The following RBFOX1 variants were observed in gnomAD, a reference collection of about 807,000 sequenced individuals.
RBFOX1 encodes the protein RNA binding fox-1 homolog 1, also known as RNA binding protein fox-1 homolog 1.
RBFOX1 carries 8 observed loss-of-function variants against 57.7 expected under a neutral mutation model. That is an observed-to-expected ratio of 0.14 (90% CI 0.08 to 0.25). The LOEUF (loss-of-function observed/expected upper bound fraction) is 0.25, where lower values mean the gene tolerates loss of function less well. Ranked by LOEUF, RBFOX1 falls within the 10% of genes least tolerant of loss-of-function variation. The probability of loss-of-function intolerance (pLI) is 1.00; values close to 1 mark genes in which losing one functional copy is unlikely to be tolerated. For missense variants in RBFOX1, 611 were observed against 548.5 expected (o/e 1.11, Z -1.14); for synonymous variants, 326 against 222.4 (o/e 1.47, Z -4.15).
At chr16:6,953,575 T>C (rs935907170) in intron 3 of RBFOX1, among the ~76,000 whole-genome samples, 1 of 152,070 alleles carries the variant, frequency 6.6e-6, no homozygotes, top group Admixed American at 6.6e-5. Context: ...TTAGTAGAGA[T>C]GGGGTTTTGC....
chr16:7,368,178 G>T (rs1250522894), intron 4 of RBFOX1, among the ~76,000 whole-genome samples: 1 of 150,434 alleles, frequency 6.6e-6, no homozygotes, highest in Non-Finnish European at 1.5e-5. Context: ...GAGGCAGGAG[G>T]ATCGCTTGAA....
chr16:5,487,496 T>C (rs1597264507), intron 2 of RBFOX1, among the ~76,000 whole-genome samples: 2 of 152,310 alleles, frequency 1.3e-5, no homozygotes, highest in East Asian at 3.9e-4. Context: ...TTGGGTTCTT[T>C]TCTCTGTTGC....
intron 4 of RBFOX1, among the ~76,000 whole-genome samples, chr16:7,205,251 C>T (rs935325081): frequency 6.6e-6 from 1 of 152,090 alleles, no homozygotes; most frequent in Non-Finnish European, 1.5e-5. Flanking sequence ...GGCGTGGCGG[C>T]TCACACCTGT....
chr16:7,631,378 C>T (rs1378481311), intron 11 of RBFOX1, among the ~76,000 whole-genome samples: 3 of 152,206 alleles, frequency 2.0e-5, no homozygotes, highest in African/African-American at 4.8e-5. Flanking sequence ...CCGAAGATTT[C>T]TCTGCCTCGG....
chr16:7,604,825 T>C (rs950634303), intron 9 of RBFOX1, among the ~76,000 whole-genome samples: 2 of 152,174 alleles, frequency 1.3e-5, no homozygotes, highest in South Asian at 2.1e-4. Flanking sequence ...GGAAGTCTTA[T>C]ATGCAAAAGA....
intron 2 of RBFOX1, among the ~76,000 whole-genome samples, chr16:6,492,726 T>C (rs2095661724): frequency 1.3e-5 from 2 of 152,186 alleles, no homozygotes; most frequent in African/African-American, 4.8e-5. Flanking sequence ...GCGGAGGAAA[T>C]ACCTAAGTAG....
At chr16:7,116,162 C>T (rs563538876) in intron 4 of RBFOX1, among the ~76,000 whole-genome samples, 3 of 152,276 alleles carry the variant, frequency 2.0e-5, no homozygotes, top group East Asian at 1.9e-4. Flanking sequence ...GTGTCATGCA[C>T]TGCATTTTTC....
intron 3 of RBFOX1, among the ~76,000 whole-genome samples, chr16:5,625,534 TG>T (rs1184114937): frequency 4.7e-4 from 38 of 81,442 alleles, no homozygotes; most frequent in African/African-American, 1.3e-3. Flanking sequence ...TAATATTTTT[TG>T]TTATTTATTT....
chr16:7,661,069 G>C (rs1471105274), intron 12 of RBFOX1, among the ~76,000 whole-genome samples: 1 of 152,188 alleles, frequency 6.6e-6, no homozygotes, highest in East Asian at 1.9e-4. Flanking sequence ...GCAAATGTGA[G>C]TAGTGGGAGT....
At chr16:7,184,055 G>T (rs569205816) in intron 4 of RBFOX1, among the ~76,000 whole-genome samples, 4 of 152,312 alleles carry the variant, frequency 2.6e-5, no homozygotes, top group Non-Finnish European at 5.9e-5. Flanking sequence ...CCAGGAAAGT[G>T]GTGGTGGAGA....
At chr16:6,577,495 G>T (rs755158134) in intron 2 of RBFOX1, 2 of 152,130 alleles carry the variant, frequency 1.3e-5, no homozygotes, top group Non-Finnish European at 2.9e-5. Context: ...GTTGTGCTGT[G>T]GTGACAAATA....
chr16:6,733,429 A>G (rs887637761), intron 3 of RBFOX1, among the ~76,000 whole-genome samples: 2 of 152,230 alleles, frequency 1.3e-5, no homozygotes, highest in Non-Finnish European at 2.9e-5. Flanking sequence ...TCAGTCCTAC[A>G]GCCTTCCTGA....
intron 4 of RBFOX1, among the ~76,000 whole-genome samples, chr16:7,246,633 CTTTTTT>C (rs56654382): frequency 9.5e-6 from 1 of 105,498 alleles, no homozygotes; most frequent in Admixed American, 9.9e-5. Flanking sequence ...TGGTCACCTC[CTTTTTT>C]TTTTTTTTTT....
chr16:6,471,059 C>A (rs1233896078), intron 2 of RBFOX1, among the ~76,000 whole-genome samples: 1 of 152,134 alleles, frequency 6.6e-6, no homozygotes, highest in African/African-American at 2.4e-5. Flanking sequence ...GGAATTAAAT[C>A]TAAATTTCTT....
intron 2 of RBFOX1, among the ~76,000 whole-genome samples, chr16:6,562,856 CTTTCTTTCTTTCTTTCTTTCTTTCTTTT>C (rs1469775404): frequency 1.2e-4 from 6 of 50,316 alleles, no homozygotes; most frequent in Admixed American, 4.2e-4. Flanking sequence ...TTCTTTCTTT[CTTTCTTTCTTTCTTTCTTTCTTTCTTTT>C]TTTTTTTTTT....
At chr16:7,379,828 T>G (rs1298562337) in intron 4 of RBFOX1, among the ~76,000 whole-genome samples, 2 of 151,786 alleles carry the variant, frequency 1.3e-5, no homozygotes, top group East Asian at 1.9e-4. Flanking sequence ...CTCCCTCCTC[T>G]TCCTTCCCTT....
chr16:6,846,690 A>G (rs1461274013), intron 3 of RBFOX1, among the ~76,000 whole-genome samples: 1 of 152,188 alleles, frequency 6.6e-6, no homozygotes, highest in Admixed American at 6.5e-5. Context: ...ATGAATGGTA[A>G]CGTTCGCCAG....
intron 1 of RBFOX1, among the ~76,000 whole-genome samples, chr16:6,300,528 A>T (rs1385217263): frequency 1.3e-5 from 2 of 152,214 alleles, no homozygotes; most frequent in Non-Finnish European, 2.9e-5. Context: ...CACCTGTGGT[A>T]CATATAAAGT....
chr16:5,820,198 C>A (rs1156669605), intron 3 of RBFOX1, among the ~76,000 whole-genome samples: 1 of 152,194 alleles, frequency 6.6e-6, no homozygotes, highest in Non-Finnish European at 1.5e-5. Context: ...AAAACACTTG[C>A]CCCTGGTCCA....
Sources: gnomAD v4.1 joint callset for allele counts (sites outside exome capture counted in the v4.1 genomes callset) on GRCh38, gnomAD v4.1.1 for gene constraint, MANE v1.5 for transcripts, NCBI Gene and HGNC (gene_info 2026-07-23, HGNC 2026-07-21) for gene names.